The following PDE10A variants were observed in gnomAD, a reference collection of about 807,000 sequenced individuals.
PDE10A encodes phosphodiesterase 10A.
Under a neutral mutation model 97.7 loss-of-function variants are expected in PDE10A, and 39 were observed. The observed-to-expected ratio is 0.40, with a 90% CI of 0.31 to 0.52. PDE10A has a LOEUF of 0.52. PDE10A is among the 20% of genes least tolerant of loss of function. The pLI is 0.56. For synonymous variants in PDE10A, 371 were observed against 376.8 expected, an observed-to-expected ratio of 0.98 and a Z score of 0.18; for missense variants, 731 against 1,047.8, an observed-to-expected ratio of 0.70 and a Z score of 4.17.
At chr6:165,961,465 T>C (rs892168617) in intron 1 of PDE10A, among the ~76,000 whole-genome samples, 1 of 152,202 alleles carries the variant, frequency 6.6e-6, no homozygotes, top group African/African-American at 2.4e-5. Flanking sequence ...GCGAATGGCA[T>C]CATAGACAGT....
At chr6:165,416,514 TCAAA>T (rs1273609381) in intron 11 of PDE10A, among the ~76,000 whole-genome samples, 3 of 152,188 alleles carry the variant, frequency 2.0e-5, no homozygotes, top group Admixed American at 2.0e-4. Context: ...CAAACTGAGA[TCAAA>T]CAATCAACTA....
intron 1 of PDE10A, among the ~76,000 whole-genome samples, chr6:165,904,875 A>G (rs907902052): frequency 6.6e-6 from 1 of 152,188 alleles, no homozygotes; most frequent in African/African-American, 2.4e-5. Context: ...GTCACATTCA[A>G]AGACTTTCAC....
intron 2 of PDE10A, among the ~76,000 whole-genome samples, chr6:165,494,463 G>A (rs545393829): frequency 4.1e-5 from 6 of 146,490 alleles, no homozygotes; most frequent in African/African-American, 1.5e-4. Context: ...TGTGGGGGGG[G>A]GTGTGTGTGT....
chr6:165,562,948 G>T lies in PDE10A; in HGVS notation c.866-19380C>A, dbSNP rs566919408. Among the ~76,000 whole-genome samples, 4 of 152,144 alleles carry T rather than the reference G, an allele frequency of 2.6e-5. No individual in the cohort carries two copies. The South Asian group carries it at 8.3e-4, about 32-fold the overall frequency. ...GCGAGGTTGCCTAACATCCTATGGT[G>T]CACAGAAAGCCTCCTGACAGCTAAG... is the stretch of plus-strand genomic sequence containing the variant. On this transcript the variant is annotated intron_variant, in intron 1 of 21. Transcript: ENST00000539869.
chr6:165,350,990 G>T (rs1782655692), intron 18 of PDE10A, among the ~76,000 whole-genome samples: 2 of 152,086 alleles, frequency 1.3e-5, no homozygotes, highest in African/African-American at 4.8e-5. Context: ...CATGAGAACG[G>T]ACTAATACAC....
At chr6:165,546,149 A>G (rs1314847653) in intron 1 of PDE10A, among the ~76,000 whole-genome samples, 1 of 152,096 alleles carries the variant, frequency 6.6e-6, no homozygotes, top group Admixed American at 6.6e-5. Flanking sequence ...CTATGAGAAG[A>G]AAAGCCAGTC....
At chr6:165,606,320 C>A (rs919364093) in intron 1 of PDE10A, among the ~76,000 whole-genome samples, 1 of 152,026 alleles carries the variant, frequency 6.6e-6, no homozygotes, top group Non-Finnish European at 1.5e-5. Context: ...ATAAACTATC[C>A]CAGGATCTTA....
intron 1 of PDE10A, among the ~76,000 whole-genome samples, chr6:165,983,720 T>C (rs552986866): frequency 2.6e-5 from 4 of 152,338 alleles, no homozygotes; most frequent in Non-Finnish European, 5.9e-5. Flanking sequence ...CACCAACATA[T>C]ATACTTTTCT....
chr6:165,551,867 C>T (rs1003622456), intron 1 of PDE10A, among the ~76,000 whole-genome samples: 5 of 152,128 alleles, frequency 3.3e-5, no homozygotes, highest in African/African-American at 1.2e-4. Context: ...CAAGACTAAT[C>T]GGAAAATAAG....
intron 1 of PDE10A, among the ~76,000 whole-genome samples, chr6:165,590,753 T>C (rs918906046): frequency 1.3e-4 from 20 of 152,058 alleles, no homozygotes; most frequent in African/African-American, 4.3e-4. Flanking sequence ...AAGCCGGGCA[T>C]GGTGGCGGGC....
chr6:165,456,334 A>C (rs1392465881), intron 3 of PDE10A, among the ~76,000 whole-genome samples: 1 of 152,210 alleles, frequency 6.6e-6, no homozygotes, highest in Non-Finnish European at 1.5e-5. Flanking sequence ...TAAATAAACC[A>C]ATACATTCTC....
intron 2 of PDE10A, among the ~76,000 whole-genome samples, chr6:165,494,454 G>GT (rs1167124750): frequency 2.3e-5 from 3 of 130,286 alleles, no homozygotes; most frequent in Admixed American, 1.5e-4. Context: ...TAAAGAAAAT[G>GT]TGGGGGGGGG....
intron 1 of PDE10A, among the ~76,000 whole-genome samples, chr6:165,703,310 G>C (rs1437034263): frequency 6.6e-6 from 1 of 152,174 alleles, no homozygotes; most frequent in East Asian, 1.9e-4. Flanking sequence ...CGTAGCTTTA[G>C]ATTCTGCCTG....
chr6:165,425,770 C>CATATGTGTGTGTGTGTGT (rs112669910), intron 10 of PDE10A, among the ~76,000 whole-genome samples: 2,225 of 143,660 alleles, frequency 0.015, 23 homozygotes, highest in Middle Eastern at 0.046. Flanking sequence ...AAGGCATGAT[C>CATATGTGTGTGTGTGTGT]GTGTGTGTGT....
intron 1 of PDE10A, among the ~76,000 whole-genome samples, chr6:165,632,685 A>G (rs1450165994): frequency 6.6e-6 from 1 of 152,214 alleles, no homozygotes; most frequent in Non-Finnish European, 1.5e-5. Context: ...TTCTGCCCCA[A>G]TGATACAACC....
At chr6:165,932,909 G>T (rs1168655837) in intron 1 of PDE10A, among the ~76,000 whole-genome samples, 1 of 152,212 alleles carries the variant, frequency 6.6e-6, no homozygotes, top group African/African-American at 2.4e-5. Flanking sequence ...CCCCTCCAAG[G>T]AGACCAGGCA....
In PDE10A at chr6:165,330,618, C is replaced by T. The variant is rs887915912; in HGVS notation, c.*2407G>A. On this transcript the variant is annotated 3_prime_UTR_variant, in exon 22 of 22. Transcript: ENST00000539869. ...CCAACCAGTAAATCCAATCACATTCCTTTGGGAAACTGTTCTAAATAGAGA... is the reference window on the plus strand; with the variant it reads ...CCAACCAGTAAATCCAATCACATTCTTTTGGGAAACTGTTCTAAATAGAGA... The T allele has an allele frequency of 1.3e-5, 2 of 152,086 alleles. No homozygotes were observed. The highest frequency in any genetic ancestry group is 4.8e-5 in the African/African-American group (2 of 41,414). The allele number at this position is 152,086 out of a possible 1,614,324, so 9.4% of individuals were successfully genotyped here.
Position 165,615,027 on chromosome 6 carries a change from T to C in PDE10A, c.865+46920A>G, listed in dbSNP as rs192940259. Among the ~76,000 whole-genome samples, 50 of 151,940 alleles carry C rather than the reference T, an allele frequency of 3.3e-4. 1 individual carries two copies. The East Asian group carries it at 8.0e-3, about 24-fold the overall frequency. On this transcript the variant is annotated intron_variant, in intron 1 of 21. Coordinates refer to ENST00000539869, the MANE Select transcript of PDE10A (RefSeq NM_001385079.1). ...GAGTTTGAGACCAGCCTGGCCAACA[T>C]GGTGAAACCCCATCTCTACTAAAAA...
intron 1 of PDE10A, among the ~76,000 whole-genome samples, chr6:165,926,130 T>C (rs1242192889): frequency 3.3e-5 from 5 of 152,256 alleles, no homozygotes; most frequent in Non-Finnish European, 5.9e-5. Context: ...CCAGCTGTTT[T>C]CTGCCTGGAG....
Sources: gnomAD v4.1 joint callset for allele counts (sites outside exome capture counted in the v4.1 genomes callset) on GRCh38, gnomAD v4.1.1 for gene constraint, MANE v1.5 for transcripts, NCBI Gene and HGNC (gene_info 2026-07-23, HGNC 2026-07-21) for gene names.